Variants in CSMD1 observed in about 807,000 individuals in gnomAD.
CSMD1 encodes the protein CUB and sushi domain-containing protein 1.
In CSMD1, 213 loss-of-function variants were observed where a neutral mutation model predicts 417.5. The ratio of observed to expected loss-of-function variants is 0.51; its 90% CI spans 0.46 to 0.57. CSMD1 has a LOEUF of 0.57. Ranked by LOEUF, CSMD1 falls within the 20% of genes least tolerant of loss-of-function variation. The pLI is 0.00. For synonymous variants in CSMD1, 2,862 were observed against 1,736.8 expected, an observed-to-expected ratio of 1.65 and a Z score of -16.11; for missense variants, 6,923 against 4,529.7, an observed-to-expected ratio of 1.53 and a Z score of -15.17.
At position 4,935,336 on chromosome 8, in the gene CSMD1, C is replaced by A. The variant is rs184179753; in HGVS notation, c.85+58996G>T. 6.6e-5 allele frequency among the ~76,000 whole-genome samples: 10 copies of A among 152,308 alleles called. No individual in the cohort carries two copies. The East Asian group carries it at 1.9e-3, about 29-fold the overall frequency. ...TCTCATTAGGAAATGCCCCTGCGCC[C>A]TCTGGGTGGAGACATCGCCCTGTGT... On this transcript the variant is annotated intron_variant, in intron 1 of 69. Coordinates refer to ENST00000635120, the MANE Select transcript of CSMD1 (RefSeq NM_033225.6).
At chr8:3,233,804 A>T (rs553891000) in intron 26 of CSMD1, among the ~76,000 whole-genome samples, 1 of 152,334 alleles carries the variant, frequency 6.6e-6, no homozygotes, top group South Asian at 2.1e-4. Flanking sequence ...AGGTACACCC[A>T]TCCAGAGGAG....
intron 13 of CSMD1, among the ~76,000 whole-genome samples, chr8:3,408,585 T>C (rs748486148): frequency 2.8e-4 from 43 of 152,164 alleles, no homozygotes; most frequent in Admixed American, 4.6e-4. Flanking sequence ...TCCTATATCA[T>C]AGGAACAATT....
intron 10 of CSMD1, among the ~76,000 whole-genome samples, chr8:3,525,036 C>T (rs572278583): frequency 6.6e-6 from 1 of 152,266 alleles, no homozygotes; most frequent in South Asian, 2.1e-4. Context: ...GCCCCAATCC[C>T]TTGGTCCAAC....
chr8:3,800,902 T>C (rs939227429), intron 5 of CSMD1, among the ~76,000 whole-genome samples: 1 of 152,090 alleles, frequency 6.6e-6, no homozygotes, highest in Non-Finnish European at 1.5e-5. Flanking sequence ...CCAACAACCA[T>C]GAGTGAAATA....
At chr8:4,532,462 T>C (rs148449274) in intron 2 of CSMD1, among the ~76,000 whole-genome samples, 11,916 of 141,872 alleles carry the variant, frequency 0.084, 594 homozygotes, top group South Asian at 0.13. Context: ...AGAGAAATCC[T>C]GCACCCCCAT....
At chr8:3,325,273 T>C (rs1236804645) in intron 23 of CSMD1, among the ~76,000 whole-genome samples, 1 of 152,202 alleles carries the variant, frequency 6.6e-6, no homozygotes, top group Non-Finnish European at 1.5e-5. Flanking sequence ...ACTAATACAA[T>C]CACAATCACT....
intron 5 of CSMD1, among the ~76,000 whole-genome samples, chr8:3,946,034 G>T (rs1262118788): frequency 6.6e-6 from 1 of 152,106 alleles, no homozygotes; most frequent in East Asian, 1.9e-4. Context: ...CTACGATGTA[G>T]GCGCTACTTT....
At chr8:3,875,616 GGAC>G (rs1246775375) in intron 5 of CSMD1, among the ~76,000 whole-genome samples, 1 of 152,114 alleles carries the variant, frequency 6.6e-6, no homozygotes, top group Non-Finnish European at 1.5e-5. Flanking sequence ...AAGAGGAGGA[GGAC>G]CAGAGTTTCC....
chr8:4,188,517 A>G (rs188624038), intron 3 of CSMD1, among the ~76,000 whole-genome samples: 262 of 152,236 alleles, frequency 1.7e-3, no homozygotes, highest in African/African-American at 5.9e-3. Flanking sequence ...ATGACTTGCA[A>G]ATAGTTTATT....
At chr8:4,948,855 G>A (rs990553861) in intron 1 of CSMD1, among the ~76,000 whole-genome samples, 1 of 152,066 alleles carries the variant, frequency 6.6e-6, no homozygotes, top group African/African-American at 2.4e-5. Flanking sequence ...AGGTTATGGT[G>A]TGAATCTTTT....
At chr8:3,782,329 C>T (rs970872380) in intron 5 of CSMD1, among the ~76,000 whole-genome samples, 12 of 152,112 alleles carry the variant, frequency 7.9e-5, no homozygotes, top group African/African-American at 2.9e-4. Flanking sequence ...TACTGTGGCC[C>T]TATAGGAAAA....
intron 1 of CSMD1, among the ~76,000 whole-genome samples, chr8:4,856,982 C>A (rs568298099): frequency 1.3e-5 from 2 of 150,866 alleles, no homozygotes; most frequent in African/African-American, 2.4e-5. Flanking sequence ...AGCACCACAC[C>A]ACACCTATTC....
intron 1 of CSMD1, among the ~76,000 whole-genome samples, chr8:4,659,505 G>C (rs906192270): frequency 3.9e-5 from 6 of 152,150 alleles, no homozygotes; most frequent in Non-Finnish European, 5.9e-5. Context: ...GATGAACCTT[G>C]AAAACATGCT....
chr8:3,221,317 G>A (rs146826960), intron 28 of CSMD1, among the ~76,000 whole-genome samples: 257 of 152,266 alleles, frequency 1.7e-3, no homozygotes, highest in African/African-American at 5.9e-3. Flanking sequence ...CTGACGTCAG[G>A]AATGAAGAAG....
chr8:4,743,729 T>A (rs780586956), intron 1 of CSMD1, among the ~76,000 whole-genome samples: 1 of 152,234 alleles, frequency 6.6e-6, no homozygotes, highest in Non-Finnish European at 1.5e-5. Flanking sequence ...GGAGATTTTC[T>A]CTGAACTATA....
intron 6 of CSMD1, among the ~76,000 whole-genome samples, chr8:3,733,669 G>A (rs1198050489): frequency 1.3e-5 from 2 of 152,106 alleles, no homozygotes; most frequent in Admixed American, 6.6e-5. Context: ...TGCACCGCCT[G>A]CCTGGAGTTG....
At chr8:4,666,295 G>A (rs1260578218) in intron 1 of CSMD1, among the ~76,000 whole-genome samples, 2 of 152,156 alleles carry the variant, frequency 1.3e-5, no homozygotes, top group East Asian at 1.9e-4. Flanking sequence ...AGAATAGAAA[G>A]ATGATTTTGG....
At chr8:4,576,820 AAAAC>A (rs1158176180) in intron 2 of CSMD1, among the ~76,000 whole-genome samples, 3 of 98,458 alleles carry the variant, frequency 3.0e-5, no homozygotes, top group Non-Finnish European at 6.9e-5. Flanking sequence ...ATTAATACTT[AAAAC>A]AAACTATTTT....
At chr8:3,002,347 C>T (rs546686508) in intron 52 of CSMD1, among the ~76,000 whole-genome samples, 2 of 152,276 alleles carry the variant, frequency 1.3e-5, no homozygotes, top group African/African-American at 2.4e-5. Context: ...ATGGAGCCAT[C>T]GTTCCAACCC....
Sources: gnomAD v4.1 joint callset for allele counts (sites outside exome capture counted in the v4.1 genomes callset) on GRCh38, gnomAD v4.1.1 for gene constraint, MANE v1.5 for transcripts, NCBI Gene and HGNC (gene_info 2026-07-23, HGNC 2026-07-21) for gene names.